DHPS: variants seen among roughly 807,000 people sequenced by gnomAD.
DHPS encodes deoxyhypusine synthase, also known as migration-inducing gene 13.
A neutral mutation model predicts 38.7 loss-of-function variants in DHPS; 24 were observed. That is an observed-to-expected ratio of 0.62 (90% confidence interval 0.45 to 0.87). DHPS has a LOEUF of 0.87. Ranked by LOEUF, DHPS falls within the 40% of genes least tolerant of loss-of-function variation. The probability of loss-of-function intolerance (pLI) is 0.00; values close to 1 mark genes in which losing one functional copy is unlikely to be tolerated. For missense variants in DHPS, 510 were observed against 497.6 expected (o/e 1.02, Z -0.24); for synonymous variants, 250 against 204.4 (o/e 1.22, Z -1.90).
chr19:12,672,937 G>C (rs753019163), downstream of DHPS: 3 of 1,596,104 alleles, frequency 1.9e-6, no homozygotes, highest in Non-Finnish European at 2.6e-6. Context: ...GGGGATGTGG[G>C]ACAGGCAGGG....
chr19:12,675,322 G>A (rs1025765050), downstream of DHPS, among the ~76,000 whole-genome samples: 1 of 152,142 alleles, frequency 6.6e-6, no homozygotes, highest in Non-Finnish European at 1.5e-5. Context: ...TGAACACCTG[G>A]TAGGACAGAG....
rs2024559619 is a variant in DHPS, at chr19:12,675,788, C to A, written c.*50G>T. The stretch of plus-strand genomic sequence containing the variant: ...AAAAGTAGGGGAGGGGCTGGGTCTG[C>A]AAATTAATAAATAGAAGAGGGGGTA... On this transcript the variant is annotated 3_prime_UTR_variant, in exon 9 of 9. Transcript: ENST00000210060. 2 of 1,567,254 alleles carry A rather than the reference C, an allele frequency of 1.3e-6. No individual in the cohort carries two copies. Among genetic ancestry groups the A allele is most frequent in the Non-Finnish European group, 1.7e-6 (2 of 1,154,520 alleles).
rs933731771 is a variant in DHPS at position 12,679,529 on chromosome 19, C to G, written c.606G>C (p.Thr202=). 1 of 1,614,170 alleles carries G rather than the reference C, an allele frequency of 6.2e-7. No homozygotes were observed. Among genetic ancestry groups the G allele is most frequent in the East Asian group, 2.2e-5 (1 of 44,886 alleles). The stretch of plus-strand genomic sequence containing the variant: ...CCAGCCGGGCGATCATCTTAGAAGG[C>G]GTCCACTTTACACCCTAGGAGAGGA... ...MEQNTEGVKW[T]PSKMIARLGK... is the part of the protein sequence containing the mutation. Residue 202 remains threonine, a synonymous_variant, in exon 5 of 9, where the codon ACG becomes ACC. Transcript: ENST00000210060.
intron 1 of DHPS, 42 bp downstream of exon 1, chr19:12,681,518 C>A (rs759672726): frequency 5.3e-5 from 86 of 1,610,024 alleles, no homozygotes; most frequent in Non-Finnish European, 7.0e-5. Context: ...GTTCTACAAG[C>A]CACGCCCCTC....
In DHPS at chr19:12,677,373, G is replaced by A. The variant is rs374500589; in HGVS notation, c.702C>T (p.Pro234=). Residue 234 remains proline (P), a synonymous_variant, in exon 6 of 9, where the codon CCC becomes CCT. Transcript: ENST00000210060. ...CGCCCAGCGAGCCGTCTGTAAGTGC[G>A]GGACTAAACACAGGGATGTGGTTCT... is the stretch of plus-strand genomic sequence containing the variant. ...AQKNHIPVFS[P]ALTDGSLGDM... is the part of the protein sequence containing the mutation. 42 of 1,614,018 alleles carry A rather than the reference G, an allele frequency of 2.6e-5. No homozygotes were observed. Among genetic ancestry groups the A allele is most frequent in the African/African-American group, 1.7e-4 (13 of 75,034 alleles).
chr19:12,676,606 A>G (rs999440040), intron 7 of DHPS: 65 of 224,434 alleles, frequency 2.9e-4, no homozygotes, highest in African/African-American at 1.4e-3. Flanking sequence ...CACAGGGCCC[A>G]GCAGGCTCCC....
At chr19:12,680,682 C>G (rs2024777543) in intron 1 of DHPS, among the ~76,000 whole-genome samples, 1 of 150,928 alleles carries the variant, frequency 6.6e-6, no homozygotes, top group Admixed American at 6.6e-5. Context: ...TACAGGCGCG[C>G]ACCACCATGC....
intron 7 of DHPS, chr19:12,676,658 A>C: frequency 8.3e-6 from 2 of 241,098 alleles, no homozygotes; most frequent in Non-Finnish European, 1.7e-5. Flanking sequence ...TCACCACTCC[A>C]CCTTCCCCTC....
Position 12,677,313 on chromosome 19 carries a change from G to A in DHPS, c.762C>T (p.Gly254=), listed in dbSNP as rs1370158343. Residue 254 remains glycine (G), a synonymous_variant, in exon 6 of 9, where the codon GGC becomes GGT. Coordinates refer to ENST00000210060, the MANE Select transcript of DHPS (RefSeq NM_001930.4). ...MIFFHSYKNP[G]LVLDIVEDLR... The stretch of plus-strand genomic sequence containing the variant: ...CACCCTCAACGATGTCCAGGACCAG[G>A]CCCGGGTTCTTGTAGGAATGGAAGA... 1.2e-6 allele frequency: 2 copies of A among 1,614,164 alleles called. No homozygotes were observed. Among genetic ancestry groups the A allele is most frequent in the Non-Finnish European group, 8.5e-7 (1 of 1,180,034 alleles).
At chr19:12,680,488 C>T (rs973758882) in intron 1 of DHPS, among the ~76,000 whole-genome samples, 163 bp from the exon 2 acceptor site, 3 of 151,890 alleles carry the variant, frequency 2.0e-5, no homozygotes, top group African/African-American at 7.3e-5. Flanking sequence ...AACTCTGCCC[C>T]TTCCCAGACC....
At chr19:12,680,719 A>G (rs1307402592) in intron 1 of DHPS, among the ~76,000 whole-genome samples, 6 of 147,292 alleles carry the variant, frequency 4.1e-5, no homozygotes, top group African/African-American at 1.5e-4. Context: ...ATTTTAGTAG[A>G]GACGGGGTTT....
At position 12,677,384 on chromosome 19, in the gene DHPS, C is replaced by T. The variant is rs2024639298; in HGVS notation, c.691G>A (p.Val231Met). The T allele has an allele frequency of 6.2e-7, 1 of 1,613,818 alleles. No homozygotes were observed. Residue 231 changes from valine (V) to methionine (M), a missense_variant, in exon 6 of 9, where the codon GTG becomes ATG. Physicochemically the swap from Val to Met is conservative, Grantham distance 21. Coordinates refer to ENST00000210060, the MANE Select transcript of DHPS (RefSeq NM_001930.4). ...CCGTCTGTAAGTGCGGGACTAAACA[C>T]AGGGATGTGGTTCTGCAGAGAACAT... ...YYWAQKNHIPVFSPALTDGSL... is the reference protein window; with the variant it reads ...YYWAQKNHIPMFSPALTDGSL...
At chr19:12,679,359 G>T in intron 5 of DHPS, 98 bp downstream of exon 5, 2 of 1,165,668 alleles carry the variant, frequency 1.7e-6, no homozygotes, top group Non-Finnish European at 2.6e-6. Flanking sequence ...GAGTGAGGAT[G>T]CTGAGAATAA....
rs1415850887 is a variant in DHPS, at chr19:12,680,454, G to A, written c.208-129C>T. The A allele has an allele frequency of 1.4e-5, 13 of 910,020 alleles. No individual in the cohort carries two copies. In the Admixed American group the frequency reaches 2.1e-4, roughly 15 times the overall value. The allele number at this position is 910,020 out of a possible 1,614,324, so 56.4% of individuals were successfully genotyped here. A position where few individuals can be genotyped will look rare whatever the true frequency, so the allele number is the denominator to read the frequency against. On this transcript the variant is annotated intron_variant, in intron 1 of 8. Transcript: ENST00000210060. ...AGGGATACAGGACCAGTTCTACAGG[G>A]GACCAAGGAACATCTCCTGTGTAAA...
At chr19:12,674,454 G>T (rs553290246), downstream of DHPS, among the ~76,000 whole-genome samples, 15 of 152,266 alleles carry the variant, frequency 9.9e-5, no homozygotes, top group East Asian at 9.7e-4. Context: ...AACCGGGGGG[G>T]CCCTGAAGAC....
chr19:12,681,142 C>G (rs1418535925), intron 1 of DHPS: 1 of 1,278,264 alleles, frequency 7.8e-7, no homozygotes, highest in Non-Finnish European at 1.0e-6. Context: ...AGCCCCCACC[C>G]TTTTAGGAAT....
rs199984915 is a variant in DHPS, at chr19:12,681,709, G to A, written c.58C>T (p.His20Tyr). Residue 20 changes from histidine (H) to tyrosine (Y), a missense_variant, in exon 1 of 9, where the codon CAC becomes TAC. His to Tyr is a moderately conservative substitution (Grantham distance 83). Transcript: ENST00000210060. ...PAGALAAVLK[H>Y]SSTLPPESTQ... ...CTTTCGGGCGGCAACGTCGAGCTGT[G>A]CTTTAGCACGGCGGCCAGCGCCCCC... 6 of 1,613,772 alleles carry A rather than the reference G, an allele frequency of 3.7e-6. No individual in the cohort carries two copies. Among genetic ancestry groups the A allele is most frequent in the Non-Finnish European group, 5.1e-6 (6 of 1,180,022 alleles).
chr19:12,676,031 C>A lies in DHPS; in HGVS notation c.1000G>T (p.Ala334Ser), dbSNP rs746644013. The A allele has an allele frequency of 6.2e-7, 1 of 1,613,968 alleles. No individual in the cohort carries two copies. The highest frequency in any genetic ancestry group is 8.5e-7 in the Non-Finnish European group (1 of 1,179,876). ...CCAGCGCTTACCTTGACGGGCTGTGCATCCACCCGGATCTTGCCCCAGGAG... is the reference window on the plus strand; with the variant it reads ...CCAGCGCTTACCTTGACGGGCTGTGAATCCACCCGGATCTTGCCCCAGGAG... ...AVSWGKIRVD[A>S]QPVKVYADAS... The change falls in exon 8 of 9, where the codon GCA becomes TCA. Residue 334 changes from alanine (A) to serine (S), a missense_variant. Coordinates refer to ENST00000210060, the MANE Select transcript of DHPS (RefSeq NM_001930.4).
chr19:12,680,669 G>A (rs551036342), intron 1 of DHPS, among the ~76,000 whole-genome samples: 2 of 151,484 alleles, frequency 1.3e-5, no homozygotes, highest in South Asian at 4.2e-4. Flanking sequence ...GAGTAGCTGG[G>A]ACTACAGGCG....
Sources: allele counts gnomAD v4.1 joint callset (sites outside exome capture counted in the v4.1 genomes callset), GRCh38; gene constraint gnomAD v4.1.1; transcripts MANE v1.5; gene names NCBI Gene and HGNC (gene_info 2026-07-23, HGNC 2026-07-21).